The following MYBPHL variants were observed in gnomAD, a reference collection of about 807,000 sequenced individuals.
MYBPHL encodes the protein myosin-binding protein H-like.
A neutral mutation model predicts 39.5 loss-of-function variants in MYBPHL; 32 were observed. The observed-to-expected ratio is 0.81, with a 90% CI of 0.61 to 1.09. The LOEUF is 1.09. Among genes scored for constraint, MYBPHL ranks in the 50% least tolerant of loss-of-function variants. MYBPHL has a pLI of 0.00. For missense variants in MYBPHL, 456 were observed against 460.2 expected (o/e 0.99, Z 0.08); for synonymous variants, 196 against 183.7 (o/e 1.07, Z -0.54).
chr1:109,298,171 G>A lies in MYBPHL; in HGVS notation c.232C>T (p.Gln78Ter). ...GDTVNLLIPFQGKPKPQAIWT... is the reference protein window; with the variant it reads ...GDTVNLLIPF ...CAGTATGGGGCTGGCATGATCACCT[G>A]GAATGGGATTAGTAGGTTCACTGTG... The change falls in exon 2 of 9, where the codon CAG becomes TAG. Residue 78 changes from glutamine to a stop codon, truncating the protein, a stop_gained and splice_region_variant. Coordinates refer to ENST00000357155, the MANE Select transcript of MYBPHL (RefSeq NM_001010985.3). LOFTEE classifies it high-confidence loss of function. 2 of 1,605,542 alleles carry A rather than the reference G, an allele frequency of 1.2e-6. No individual in the cohort carries two copies. The highest frequency in any genetic ancestry group is 2.2e-5 in the South Asian group (2 of 89,452).
At position 109,306,924 on chromosome 1, in the gene MYBPHL, G is replaced by A. The variant is rs149896314; in HGVS notation, c.68C>T (p.Ala23Val). ...TGAAGCCTGGGGTGGTTCAGCATCC[G>A]CTGGGCTGGCTTCTTTCACCTTCAG... ...SKLKVKEASPADAEPPQASPG... is the reference protein window; with the variant it reads ...SKLKVKEASPVDAEPPQASPG... Residue 23 changes from alanine (A) to valine (V), a missense_variant, in exon 1 of 9, where the codon GCG (alanine) becomes GTG (valine). Transcript: ENST00000357155. 9.1e-5 allele frequency: 146 copies of A among 1,609,728 alleles called. No homozygotes were observed. The African/African-American group carries it at 1.4e-3, about 16-fold the overall frequency.
intron 3 of MYBPHL, 77 bp from the exon 4 acceptor site, chr1:109,297,266 C>A: frequency 1.2e-6 from 2 of 1,602,658 alleles, no homozygotes; most frequent in Non-Finnish European, 1.7e-6. Context: ...GCCCTAGCCC[C>A]TTTTTCTCCT....
chr1:109,296,411 C>T (rs1658065857), intron 5 of MYBPHL, 41 bp from the exon 6 acceptor site: 4 of 1,606,904 alleles, frequency 2.5e-6, no homozygotes, highest in South Asian at 2.2e-5. Flanking sequence ...CTTCTGAGAT[C>T]CCAGCCCTCG....
rs770069680 is a variant in MYBPHL at position 109,306,871 on chromosome 1, G to C, written c.121C>G (p.Pro41Ala). Reference protein sequence around the residue: ...SPGQGAGSPTPQLLPPIEEHP... With the variant: ...SPGQGAGSPTAQLLPPIEEHP... ...CCTTCTATAGGGGGCAGGAGCTGGG[G>C]AGTGGGGCTGCCAGCCCCCTGTCCA... Residue 41 changes from proline to alanine, a missense_variant, in exon 1 of 9, where the codon CCC (proline) becomes GCC (alanine). By Grantham distance (27) the Pro-to-Ala change is conservative. Coordinates refer to ENST00000357155, the MANE Select transcript of MYBPHL (RefSeq NM_001010985.3). 6.2e-7 allele frequency: 1 copy of C among 1,600,494 alleles called. No homozygotes were observed. The highest frequency in any genetic ancestry group is 1.7e-5 in the Admixed American group (1 of 57,226).
chr1:109,305,476 G>A (rs1289142208), intron 1 of MYBPHL, among the ~76,000 whole-genome samples: 2 of 152,320 alleles, frequency 1.3e-5, no homozygotes, highest in Non-Finnish European at 2.9e-5. Flanking sequence ...GCTGTCAGGA[G>A]CTGGCTGCAG....
intron 1 of MYBPHL, among the ~76,000 whole-genome samples, chr1:109,301,687 G>A (rs1455604379): frequency 6.6e-6 from 1 of 151,644 alleles, no homozygotes; most frequent in Non-Finnish European, 1.5e-5. Flanking sequence ...GTTGCAGTGA[G>A]CCGAGATTGC....
rs1362666666 is a variant in MYBPHL at position 109,296,215 on chromosome 1, C to G, written c.867+19G>C. On this transcript the variant is annotated intron_variant, in intron 6 of 8. Coordinates refer to ENST00000357155, the MANE Select transcript of MYBPHL (RefSeq NM_001010985.3). ...ACAAGAAGCAGCTCAGCACAGTGCCCCCCAGAGCCCCCACTCACCCGGGGA... is the reference window on the plus strand; with the variant it reads ...ACAAGAAGCAGCTCAGCACAGTGCCGCCCAGAGCCCCCACTCACCCGGGGA... The G allele has an allele frequency of 1.9e-6, 3 of 1,611,902 alleles. No individual in the cohort carries two copies. The highest frequency in any genetic ancestry group is 2.2e-5 in the South Asian group (2 of 90,998).
At chr1:109,295,348 A>G (rs751479187) in intron 6 of MYBPHL, 51 bp from the exon 7 acceptor site, 6 of 1,537,118 alleles carry the variant, frequency 3.9e-6, no homozygotes, top group Middle Eastern at 1.8e-4. Flanking sequence ...GGTAAGAACC[A>G]ATAGTCTTTC....
At chr1:109,293,078 G>A (rs1200910787) in intron 8 of MYBPHL, 1 of 152,152 alleles carries the variant, frequency 6.6e-6, no homozygotes, top group Non-Finnish European at 1.5e-5. Flanking sequence ...GAATCCATAA[G>A]CTTCAAAGTA....
At chr1:109,297,695 C>T in intron 2 of MYBPHL, 78 bp from the exon 3 acceptor site, 1 of 1,332,150 alleles carries the variant, frequency 7.5e-7, no homozygotes, top group Non-Finnish European at 1.0e-6. Flanking sequence ...GTCCTGTCCA[C>T]CCCAGGTCCA....
chr1:109,293,407 A>G (rs1657932222), intron 8 of MYBPHL, among the ~76,000 whole-genome samples: 1 of 152,224 alleles, frequency 6.6e-6, no homozygotes, highest in African/African-American at 2.4e-5. Context: ...GACTGCATCT[A>G]CTATAAATTC....
At chr1:109,297,394 C>T (rs749865494) in intron 3 of MYBPHL, 28 bp downstream of exon 3, 6 of 1,596,956 alleles carry the variant, frequency 3.8e-6, no homozygotes, top group South Asian at 1.1e-5. Context: ...CCTGAGGACC[C>T]CCCCATCTCC....
At chr1:109,303,923 C>T (rs1419991624) in intron 1 of MYBPHL, among the ~76,000 whole-genome samples, 2 of 151,630 alleles carry the variant, frequency 1.3e-5, no homozygotes, top group East Asian at 3.8e-4. Flanking sequence ...TGCAGTTGTT[C>T]TCTCTGTGTG....
intron 8 of MYBPHL, chr1:109,292,831 A>G (rs182924130): frequency 1.3e-5 from 2 of 152,352 alleles, no homozygotes; most frequent in African/African-American, 4.8e-5. Context: ...CAAGTCAGAG[A>G]GGACACTGGG....
chr1:109,296,925 C>G lies in MYBPHL; in HGVS notation c.588G>C (p.Leu196=). The G allele has an allele frequency of 6.2e-7, 1 of 1,614,142 alleles. No homozygotes were observed. Among genetic ancestry groups the G allele is most frequent in the African/African-American group, 1.3e-5 (1 of 75,030 alleles). ...DTKSGLWFTV[L]EHYHRTSCIV... is the part of the protein sequence containing the mutation. ...TGCAGCTGGTGCGGTGATAGTGCTC[C>G]AGCACCGTGAACCACAGCTGCGGGG... Residue 196 remains leucine (L), a synonymous_variant, in exon 5 of 9, where the codon CTG becomes CTC. Transcript: ENST00000357155.
intron 7 of MYBPHL, 25 bp from the exon 8 acceptor site, chr1:109,294,274 G>A: frequency 6.2e-7 from 1 of 1,607,062 alleles, no homozygotes. Context: ...ACATTTCTCA[G>A]TGTTAACATC....
At chr1:109,296,186 A>G (rs1230826393) in intron 6 of MYBPHL, 48 bp downstream of exon 6, 1 of 1,602,466 alleles carries the variant, frequency 6.2e-7, no homozygotes, top group Admixed American at 1.8e-5. Flanking sequence ...TAGGACAGGC[A>G]GGAACAAGAA....
intron 1 of MYBPHL, among the ~76,000 whole-genome samples, chr1:109,301,598 A>C (rs985321677): frequency 1.3e-5 from 2 of 152,058 alleles, no homozygotes; most frequent in African/African-American, 4.8e-5. Context: ...AAAATTAGCC[A>C]GGTGTGGTGG....
intron 5 of MYBPHL, 23 bp from the exon 6 acceptor site, chr1:109,296,393 G>A: frequency 6.2e-7 from 1 of 1,612,928 alleles, no homozygotes; most frequent in Non-Finnish European, 8.5e-7. Flanking sequence ...AGAGGGGCTG[G>A]CATGTAGCTT....
Sources: allele counts gnomAD v4.1 joint callset (sites outside exome capture counted in the v4.1 genomes callset), GRCh38; gene constraint gnomAD v4.1.1; transcripts MANE v1.5; gene names NCBI Gene and HGNC (gene_info 2026-07-23, HGNC 2026-07-21).